Variants in MAGI3 observed in about 807,000 individuals in gnomAD.
MAGI3 encodes the protein membrane associated guanylate kinase, WW and PDZ domain containing 3.
In MAGI3, 43 loss-of-function variants were observed where a neutral mutation model predicts 121.8. The ratio of observed to expected loss-of-function variants is 0.35; its 90% CI spans 0.28 to 0.46. MAGI3 has a LOEUF of 0.46. Ranked by LOEUF, MAGI3 falls within the 20% of genes least tolerant of loss-of-function variation. The pLI is 1.00. For synonymous variants in MAGI3, 553 were observed against 639.3 expected (o/e 0.86, Z 2.04); for missense variants, 1,547 against 1,797.3 (o/e 0.86, Z 2.52).
At chr1:113,627,853 G>T (rs543997882) in intron 9 of MAGI3, among the ~76,000 whole-genome samples, 13 of 151,468 alleles carry the variant, frequency 8.6e-5, no homozygotes, top group Admixed American at 3.9e-4. Context: ...CTGTTTTTTG[G>T]TTTTCACTGG....
intron 1 of MAGI3, chr1:113,403,698 T>A (rs1260478361): frequency 6.6e-6 from 1 of 152,210 alleles, no homozygotes; most frequent in African/African-American, 2.4e-5. Flanking sequence ...TGACCTTGTG[T>A]ACAAGCTGAA....
At chr1:113,649,841 T>A (rs1013920693) in intron 13 of MAGI3, among the ~76,000 whole-genome samples, 20 of 152,182 alleles carry the variant, frequency 1.3e-4, no homozygotes, top group African/African-American at 4.3e-4. Flanking sequence ...TATAAAATAA[T>A]TAATATTTTT....
intron 1 of MAGI3, among the ~76,000 whole-genome samples, chr1:113,524,585 T>C (rs1193394045): frequency 1.3e-5 from 2 of 152,120 alleles, no homozygotes; most frequent in African/African-American, 4.8e-5. Flanking sequence ...CCCCTTTGTT[T>C]AGCCAATTTC....
Position 113,590,662 on chromosome 1 carries a change from A to C in MAGI3, c.938+4A>C. ...CAGGGATGATCTACTTCATTGAGTAAGCAAATGTCTCTATCTCTTCTAATG... is the reference window on the plus strand; with the variant it reads ...CAGGGATGATCTACTTCATTGAGTACGCAAATGTCTCTATCTCTTCTAATG... On this transcript the variant is annotated splice_donor_region_variant and intron_variant, in intron 5 of 20. Transcript: ENST00000307546. 1 of 1,611,960 alleles carries C rather than the reference A, an allele frequency of 6.2e-7. No homozygotes were observed. Among genetic ancestry groups the C allele is most frequent in the East Asian group, 2.2e-5 (1 of 44,856 alleles).
chr1:113,593,833 A>T (rs1648837757), intron 5 of MAGI3, among the ~76,000 whole-genome samples: 1 of 152,136 alleles, frequency 6.6e-6, no homozygotes, highest in Non-Finnish European at 1.5e-5. Context: ...GGATATTTTT[A>T]TTCCTCCCTT....
chr1:113,577,317 G>A (rs2101713916), intron 2 of MAGI3, among the ~76,000 whole-genome samples: 1 of 152,278 alleles, frequency 6.6e-6, no homozygotes, highest in East Asian at 1.9e-4. Flanking sequence ...GGAGACTATT[G>A]TTGAAACATA....
chr1:113,474,597 G>A (rs55710846), intron 1 of MAGI3, among the ~76,000 whole-genome samples: 7,896 of 152,150 alleles, frequency 0.052, 252 homozygotes, highest in Non-Finnish European at 0.074. Flanking sequence ...TATTTCTGAG[G>A]GCTCTGTTCT....
At chr1:113,433,308 T>G (rs1653399647) in intron 1 of MAGI3, among the ~76,000 whole-genome samples, 1 of 152,304 alleles carries the variant, frequency 6.6e-6, no homozygotes, top group African/African-American at 2.4e-5. Context: ...TGATCAGATC[T>G]CCTGCTCTGG....
Position 113,683,497 on chromosome 1 carries a change from A to G in MAGI3, c.3929A>G (p.Glu1310Gly), listed in dbSNP as rs1312151323. 6.2e-6 allele frequency: 10 copies of G among 1,613,956 alleles called. No individual in the cohort carries two copies. The highest frequency in any genetic ancestry group is 8.5e-6 in the Non-Finnish European group (10 of 1,179,874). ...APSNAEAKLL[E>G]GKSRRIAGYT... ...TCAAATGCTGAGGCCAAATTATTAG[A>G]GGGTAAGAGTCGAAGAATAGCAGGC... is the stretch of plus-strand genomic sequence containing the variant. Residue 1310 changes from glutamate (E) to glycine (G), a missense_variant, in exon 21 of 21, where the codon GAG becomes GGG. Coordinates refer to ENST00000307546, the MANE Select transcript of MAGI3 (RefSeq NM_001142782.2).
chr1:113,508,158 C>G (rs1398529557), intron 1 of MAGI3, among the ~76,000 whole-genome samples: 1 of 152,064 alleles, frequency 6.6e-6, no homozygotes, highest in East Asian at 1.9e-4. Flanking sequence ...AGTCTCAACT[C>G]TTGTTTGCAA....
At chr1:113,442,386 G>A (rs1653959899) in intron 1 of MAGI3, among the ~76,000 whole-genome samples, 1 of 151,872 alleles carries the variant, frequency 6.6e-6, no homozygotes, top group Non-Finnish European at 1.5e-5. Context: ...ACAGCATGGG[G>A]AAATAAAAAA....
intron 2 of MAGI3, among the ~76,000 whole-genome samples, chr1:113,553,027 G>A (rs1166770983): frequency 6.6e-6 from 1 of 152,120 alleles, no homozygotes; most frequent in East Asian, 1.9e-4. Context: ...CCACCTAGAA[G>A]GGGTGCTTGA....
At chr1:113,402,892 C>T (rs530830852) in intron 1 of MAGI3, among the ~76,000 whole-genome samples, 116 of 152,140 alleles carry the variant, frequency 7.6e-4, no homozygotes, top group Middle Eastern at 3.4e-3. Flanking sequence ...GGTGGCAGTT[C>T]TGGGGAAACT....
Position 113,685,660 on chromosome 1 carries a change from A to G in MAGI3, c.*1646A>G, listed in dbSNP as rs72689987. 0.036 allele frequency: 5,414 copies of G among 152,446 alleles called. 126 individuals are homozygous for G. Among genetic ancestry groups the G allele is most frequent in the Middle Eastern group, 0.1 (30 of 294 alleles). 9.4% of individuals were successfully genotyped at this position (152,446 alleles called of 1,614,324 possible). Reference sequence around the variant, plus strand: ...TTTATTATTTTCCCTGTAGTCCACAATTAGTGATAACGAATCCTATTTTTG... The same window carrying G: ...TTTATTATTTTCCCTGTAGTCCACAGTTAGTGATAACGAATCCTATTTTTG... On this transcript the variant is annotated 3_prime_UTR_variant, in exon 21 of 21. Transcript: ENST00000307546.
At chr1:113,505,422 T>G (rs1324062311) in intron 1 of MAGI3, among the ~76,000 whole-genome samples, 1 of 151,896 alleles carries the variant, frequency 6.6e-6, no homozygotes, top group Non-Finnish European at 1.5e-5. Context: ...CAGCTTTTAT[T>G]TATTCAACAA....
intron 9 of MAGI3, among the ~76,000 whole-genome samples, chr1:113,629,391 G>T (rs1464024633): frequency 6.6e-6 from 1 of 152,130 alleles, no homozygotes; most frequent in African/African-American, 2.4e-5. Context: ...TATCTGAAAG[G>T]TCACATATCT....
At chr1:113,635,599 T>C (rs1431307331) in intron 9 of MAGI3, among the ~76,000 whole-genome samples, 1 of 151,928 alleles carries the variant, frequency 6.6e-6, no homozygotes, top group African/African-American at 2.4e-5. Context: ...GTGGATAAGC[T>C]TTTTGATGTG....
At chr1:113,672,786 C>G (rs1647639987) in intron 18 of MAGI3, 45 bp downstream of exon 18, 1 of 1,568,322 alleles carries the variant, frequency 6.4e-7, no homozygotes, top group Non-Finnish European at 8.6e-7. Context: ...TTTGAGTTGC[C>G]ATACCACTGG....
intron 1 of MAGI3, among the ~76,000 whole-genome samples, chr1:113,455,388 A>G (rs1300554227): frequency 6.6e-6 from 1 of 151,954 alleles, no homozygotes; most frequent in African/African-American, 2.4e-5. Flanking sequence ...GACTGTGATT[A>G]TGTCATTCTT....
Sources: gnomAD v4.1 joint callset for allele counts (sites outside exome capture counted in the v4.1 genomes callset) on GRCh38, gnomAD v4.1.1 for gene constraint, MANE v1.5 for transcripts, NCBI Gene and HGNC (gene_info 2026-07-23, HGNC 2026-07-21) for gene names.